METTL15: variants seen among roughly 807,000 people sequenced by gnomAD.
METTL15 encodes the protein methyltransferase 15, mitochondrial 12S rRNA N4-cytidine.
METTL15 carries 34 observed loss-of-function variants against 38.3 expected under a neutral mutation model. The ratio of observed to expected loss-of-function variants is 0.89; its 90% confidence interval spans 0.68 to 1.18. The LOEUF (loss-of-function observed/expected upper bound fraction) is 1.18, where lower values mean the gene tolerates loss of function less well. Among genes scored for constraint, METTL15 ranks in the 50% most tolerant of loss-of-function variants. The pLI, the probability that METTL15 is intolerant of heterozygous loss-of-function variation, is 0.00. For synonymous variants in METTL15, 162 were observed against 170.9 expected (o/e 0.95, Z 0.41); for missense variants, 438 against 498.4 (o/e 0.88, Z 1.15).
intron 4 of METTL15, among the ~76,000 whole-genome samples, chr11:28,236,712 T>G (rs1262894721): frequency 6.6e-6 from 1 of 152,222 alleles, no homozygotes; most frequent in Non-Finnish European, 1.5e-5. Flanking sequence ...TTCTTTACAT[T>G]TTGGCATGAT....
chr11:28,193,958 C>T (rs1851793694), intron 3 of METTL15, among the ~76,000 whole-genome samples: 1 of 151,868 alleles, frequency 6.6e-6, no homozygotes, highest in Non-Finnish European at 1.5e-5. Context: ...CTACTTGAAT[C>T]TTTTTTTCTT....
At chr11:28,414,050 G>T (rs1850751531) in intron 5 of METTL15, among the ~76,000 whole-genome samples, 1 of 152,124 alleles carries the variant, frequency 6.6e-6, no homozygotes. Flanking sequence ...TTTCAACACA[G>T]TGAATTTTAT....
At chr11:28,169,706 A>G (rs1253399641) in intron 3 of METTL15, among the ~76,000 whole-genome samples, 2 of 152,164 alleles carry the variant, frequency 1.3e-5, no homozygotes, top group Non-Finnish European at 2.9e-5. Context: ...TTAGATAACT[A>G]CGTTAATCAT....
chr11:28,484,600 T>C (rs997268854), intron 6 of METTL15, among the ~76,000 whole-genome samples: 2 of 152,184 alleles, frequency 1.3e-5, no homozygotes, highest in East Asian at 3.8e-4. Flanking sequence ...CTTTTGGCTC[T>C]GCATCATAGC....
At chr11:28,186,308 C>T (rs1303799645) in intron 3 of METTL15, among the ~76,000 whole-genome samples, 1 of 151,066 alleles carries the variant, frequency 6.6e-6, no homozygotes. Flanking sequence ...GTATAGCCAA[C>T]CTATATAATG....
intron 3 of METTL15, among the ~76,000 whole-genome samples, chr11:28,150,969 AG>A (rs1315435106): frequency 6.9e-6 from 1 of 144,066 alleles, no homozygotes; most frequent in Non-Finnish European, 1.5e-5. Flanking sequence ...TCAGATTAAG[AG>A]GAGGAAATTC....
At chr11:28,233,305 T>A (rs943217480) in intron 4 of METTL15, among the ~76,000 whole-genome samples, 5 of 152,078 alleles carry the variant, frequency 3.3e-5, no homozygotes, top group African/African-American at 1.2e-4. Context: ...AGTAGAATCC[T>A]TTGGAAGTAA....
intron 4 of METTL15, among the ~76,000 whole-genome samples, chr11:28,288,048 A>G (rs1721690838): frequency 1.3e-5 from 2 of 152,176 alleles, no homozygotes; most frequent in Admixed American, 6.6e-5. Context: ...CATGCAGCCA[A>G]TAAACATATG....
chr11:28,216,751 C>A (rs556545397), intron 4 of METTL15, among the ~76,000 whole-genome samples: 1 of 136,142 alleles, frequency 7.3e-6, no homozygotes, highest in African/African-American at 2.7e-5. Context: ...ATGCTATTCC[C>A]CTTCCTGTGT....
intron 6 of METTL15, among the ~76,000 whole-genome samples, chr11:28,322,589 A>G (rs1849508180): frequency 6.6e-6 from 1 of 152,138 alleles, no homozygotes; most frequent in Non-Finnish European, 1.5e-5. Flanking sequence ...CTATTTAGAG[A>G]GTATATTTAG....
chr11:28,396,656 C>T (rs1392130892), intron 5 of METTL15, among the ~76,000 whole-genome samples: 2 of 152,090 alleles, frequency 1.3e-5, no homozygotes, highest in African/African-American at 4.8e-5. Context: ...ATGAAAATGG[C>T]CATACTGCCC....
chr11:28,408,694 A>T (rs562793374), intron 5 of METTL15, among the ~76,000 whole-genome samples: 5 of 152,326 alleles, frequency 3.3e-5, no homozygotes, highest in Admixed American at 2.0e-4. Flanking sequence ...TATTTTACTG[A>T]CATATGTAAT....
chr11:28,235,465 A>G (rs373469412), intron 4 of METTL15, among the ~76,000 whole-genome samples: 11 of 151,806 alleles, frequency 7.2e-5, no homozygotes, highest in African/African-American at 2.7e-4. Context: ...ATTTGTTTGT[A>G]TCCTCTTTTA....
intron 3 of METTL15, among the ~76,000 whole-genome samples, chr11:28,343,449 A>T (rs1849970643): frequency 6.6e-6 from 1 of 152,196 alleles, no homozygotes; most frequent in South Asian, 2.1e-4. Flanking sequence ...ACGACTGCTT[A>T]TATTTCTCTA....
intron 3 of METTL15, among the ~76,000 whole-genome samples, chr11:28,170,751 C>G (rs1024179647): frequency 4.4e-4 from 67 of 152,060 alleles, no homozygotes; most frequent in Admixed American, 7.9e-4. Flanking sequence ...GTATAATGAG[C>G]AGTGAGGAGG....
chr11:28,193,575 G>A (rs1002366788), intron 3 of METTL15, among the ~76,000 whole-genome samples: 1 of 152,026 alleles, frequency 6.6e-6, no homozygotes, highest in Non-Finnish European at 1.5e-5. Context: ...CATGAGATTT[G>A]GGTGGGGACA....
chr11:28,381,380 C>T (rs1302894623), intron 5 of METTL15, among the ~76,000 whole-genome samples: 1 of 152,048 alleles, frequency 6.6e-6, no homozygotes, highest in Non-Finnish European at 1.5e-5. Context: ...TGTTCTCTGA[C>T]TTTCTGGATA....
chr11:28,530,297 C>A (rs182276499), downstream of METTL15, among the ~76,000 whole-genome samples: 4 of 152,210 alleles, frequency 2.6e-5, no homozygotes, highest in East Asian at 7.7e-4. Context: ...ACAATGCAGG[C>A]CTTTGCAGTA....
intron 4 of METTL15, among the ~76,000 whole-genome samples, chr11:28,249,213 G>A (rs897914463): frequency 6.6e-6 from 1 of 151,760 alleles, no homozygotes; most frequent in Non-Finnish European, 1.5e-5. Flanking sequence ...TTGAGCTTTT[G>A]CATCTAAAAA....
Sources: gnomAD v4.1 joint callset for allele counts (sites outside exome capture counted in the v4.1 genomes callset) on GRCh38, gnomAD v4.1.1 for gene constraint, MANE v1.5 for transcripts, NCBI Gene and HGNC (gene_info 2026-07-23, HGNC 2026-07-21) for gene names.